SIPA1L2: variants seen among roughly 807,000 people sequenced by gnomAD.
SIPA1L2 encodes the protein signal-induced proliferation-associated 1-like protein 2.
Under a neutral mutation model 163.9 loss-of-function variants are expected in SIPA1L2, and 56 were observed. The ratio of observed to expected loss-of-function variants is 0.34; its 90% CI spans 0.28 to 0.43. The LOEUF (loss-of-function observed/expected upper bound fraction) is 0.43, where lower values mean the gene tolerates loss of function less well. Ranked by LOEUF, SIPA1L2 falls within the 20% of genes least tolerant of loss-of-function variation. SIPA1L2 has a pLI of 1.00. For synonymous variants in SIPA1L2, 877 were observed against 865.7 expected (o/e 1.01, Z -0.23); for missense variants, 1,974 against 2,193.5 (o/e 0.90, Z 2.00).
intron 1 of SIPA1L2, among the ~76,000 whole-genome samples, chr1:232,612,866 T>C (rs1377348892): frequency 6.6e-6 from 1 of 151,290 alleles, no homozygotes; most frequent in Admixed American, 6.6e-5. Context: ...GGTGCAATGA[T>C]ATGGTTTAGT....
At chr1:232,460,246 C>T (rs1333725438) in intron 10 of SIPA1L2, among the ~76,000 whole-genome samples, 1 of 152,100 alleles carries the variant, frequency 6.6e-6, no homozygotes, top group Non-Finnish European at 1.5e-5. Context: ...AATAGTATTG[C>T]TTTCTAACCC....
intron 5 of SIPA1L2, 29 bp from the exon 6 acceptor site, chr1:232,483,995 G>C (rs746957022): frequency 8.2e-6 from 13 of 1,588,408 alleles, no homozygotes; most frequent in African/African-American, 1.4e-5. Context: ...ATAATTACTT[G>C]GCAAAGCATA....
intron 3 of SIPA1L2, among the ~76,000 whole-genome samples, chr1:232,503,180 A>G (rs1666564090): frequency 6.6e-6 from 1 of 152,214 alleles, no homozygotes; most frequent in Non-Finnish European, 1.5e-5. Flanking sequence ...GACTGTTGAG[A>G]AGCTGAATGA....
At chr1:232,518,378 T>C (rs1030440727) in intron 2 of SIPA1L2, among the ~76,000 whole-genome samples, 1 of 152,142 alleles carries the variant, frequency 6.6e-6, no homozygotes, top group Non-Finnish European at 1.5e-5. Flanking sequence ...CAGTTAAGAA[T>C]ACCTCCTTCC....
intron 2 of SIPA1L2, among the ~76,000 whole-genome samples, chr1:232,558,374 A>G (rs909503604): frequency 6.6e-6 from 1 of 152,150 alleles, no homozygotes; most frequent in African/African-American, 2.4e-5. Flanking sequence ...TGTTCAACTC[A>G]CTTCTCTCCC....
intron 1 of SIPA1L2, among the ~76,000 whole-genome samples, chr1:232,612,438 G>A (rs1383408799): frequency 6.6e-6 from 1 of 152,198 alleles, no homozygotes; most frequent in Admixed American, 6.5e-5. Flanking sequence ...CTGGGAGGGA[G>A]GCTGTACCCT....
intron 1 of SIPA1L2, among the ~76,000 whole-genome samples, chr1:232,619,250 T>A (rs979461053): frequency 6.6e-6 from 1 of 152,220 alleles, no homozygotes; most frequent in Non-Finnish European, 1.5e-5. Flanking sequence ...TCAAGTTCTA[T>A]CTTCCTTGAA....
chr1:232,617,804 T>C (rs752638547), intron 1 of SIPA1L2, among the ~76,000 whole-genome samples: 33 of 152,348 alleles, frequency 2.2e-4, no homozygotes, highest in African/African-American at 7.9e-4. Context: ...ACTCCCAGAA[T>C]GATACACTTA....
At chr1:232,428,893 T>C (rs1662060018) in intron 16 of SIPA1L2, among the ~76,000 whole-genome samples, 1 of 152,154 alleles carries the variant, frequency 6.6e-6, no homozygotes, top group Admixed American at 6.5e-5. Flanking sequence ...GTTTCAATAA[T>C]TCATCAGAGA....
chr1:232,629,575 G>A (rs1223213756), intron 1 of SIPA1L2, among the ~76,000 whole-genome samples: 2 of 152,204 alleles, frequency 1.3e-5, no homozygotes, highest in Admixed American at 1.3e-4. Context: ...ACCCTCCTCA[G>A]TGCCTGTGTC....
Position 232,452,352 on chromosome 1 carries a change from C to T in SIPA1L2, c.3096-6566G>A, listed in dbSNP as rs371502143. On this transcript the variant is annotated intron_variant, in intron 10 of 22. Coordinates refer to ENST00000674635, the MANE Select transcript of SIPA1L2 (RefSeq NM_020808.5). ...TCTTGCTCACAGTTAACAGACACCA[C>T]GGTCACTGCCAAGTACTGTAGTGTA... is the stretch of plus-strand genomic sequence containing the variant. Among the ~76,000 whole-genome samples the T allele has an allele frequency of 2.0e-4, 31 of 152,262 alleles. No individual in the cohort carries two copies. The East Asian group carries it at 4.1e-3, about 20-fold the overall frequency.
At chr1:232,525,845 CTA>C (rs1667679696) in intron 2 of SIPA1L2, among the ~76,000 whole-genome samples, 1 of 152,146 alleles carries the variant, frequency 6.6e-6, no homozygotes, top group Non-Finnish European at 1.5e-5. Flanking sequence ...AACTATGAGT[CTA>C]ATCACCACCT....
At chr1:232,624,475 G>C (rs557664245) in intron 1 of SIPA1L2, among the ~76,000 whole-genome samples, 1 of 152,222 alleles carries the variant, frequency 6.6e-6, no homozygotes, top group Non-Finnish European at 1.5e-5. Flanking sequence ...TATGTCTTAA[G>C]CATTAACCAG....
chr1:232,543,231 C>T (rs915563275), intron 2 of SIPA1L2, among the ~76,000 whole-genome samples: 1 of 152,142 alleles, frequency 6.6e-6, no homozygotes, highest in African/African-American at 2.4e-5. Context: ...AACTAGTAAT[C>T]GAAATGTATC....
chr1:232,579,516 C>T (rs917441356), intron 1 of SIPA1L2, among the ~76,000 whole-genome samples: 2 of 152,178 alleles, frequency 1.3e-5, no homozygotes, highest in Admixed American at 6.5e-5. Flanking sequence ...GGAGGCAGGG[C>T]ATTTCCTACA....
chr1:232,541,039 A>T (rs1479898442), intron 2 of SIPA1L2, among the ~76,000 whole-genome samples: 1 of 152,174 alleles, frequency 6.6e-6, no homozygotes, highest in African/African-American at 2.4e-5. Context: ...AGTGGGAGCC[A>T]AACAATGAGA....
intron 1 of SIPA1L2, among the ~76,000 whole-genome samples, chr1:232,594,177 G>A (rs1661117108): frequency 6.6e-6 from 1 of 152,216 alleles, no homozygotes; most frequent in South Asian, 2.1e-4. Flanking sequence ...GAACAGGCTT[G>A]TAGAGTGTGA....
chr1:232,417,065 C>T (rs1424382509), intron 18 of SIPA1L2, among the ~76,000 whole-genome samples: 2 of 152,118 alleles, frequency 1.3e-5, no homozygotes, highest in African/African-American at 4.8e-5. Flanking sequence ...AAATAATGAC[C>T]ACCTGGCTGT....
At chr1:232,564,545 A>G (rs909100571) in intron 2 of SIPA1L2, among the ~76,000 whole-genome samples, 1 of 152,198 alleles carries the variant, frequency 6.6e-6, no homozygotes, top group Non-Finnish European at 1.5e-5. Context: ...GGACAGAATG[A>G]AAATCAGGCC....
Sources: gnomAD v4.1 joint callset for allele counts (sites outside exome capture counted in the v4.1 genomes callset) on GRCh38, gnomAD v4.1.1 for gene constraint, MANE v1.5 for transcripts, NCBI Gene and HGNC (gene_info 2026-07-23, HGNC 2026-07-21) for gene names.